ACTR3C: variants seen among roughly 807,000 people sequenced by gnomAD.
ACTR3C encodes the protein actin-related protein 3C.
ACTR3C carries 18 observed loss-of-function variants against 26.3 expected under a neutral mutation model. The ratio of observed to expected loss-of-function variants is 0.68; its 90% CI spans 0.47 to 1.01. The LOEUF (loss-of-function observed/expected upper bound fraction) is 1.01, where lower values mean the gene tolerates loss of function less well. Among genes scored for constraint, ACTR3C ranks in the 50% least tolerant of loss-of-function variants. The pLI, the probability that ACTR3C is intolerant of heterozygous loss-of-function variation, is 0.00. For missense variants in ACTR3C, 184 were observed against 250.7 expected, an observed-to-expected ratio of 0.73 and a Z score of 1.80; for synonymous variants, 55 against 94.5, an observed-to-expected ratio of 0.58 and a Z score of 2.42.
chr7:149,977,235 C>T, the ACTR3C span, among the ~76,000 whole-genome samples: 1 of 152,114 alleles, frequency 6.6e-6, no homozygotes, highest in Non-Finnish European at 1.5e-5. Context: ...AGTCTGGAGA[C>T]CCACCTGCAA....
rs535577488 is a variant in ACTR3C at position 150,264,256 on chromosome 7, A to C, written c.565-15202T>G. On this transcript the variant is annotated intron_variant, in intron 6 of 7. Coordinates refer to ENST00000683684, the MANE Select transcript of ACTR3C (RefSeq NM_001164458.2). ...CACCGTGAAACGTCATGTGAGCTCCAAGTGTCCAGCTCAGCACGGAATAGA... is the reference window on the plus strand; with the variant it reads ...CACCGTGAAACGTCATGTGAGCTCCCAGTGTCCAGCTCAGCACGGAATAGA... Among the ~76,000 whole-genome samples the C allele has an allele frequency of 1.0e-3, 154 of 152,342 alleles. 1 individual carries two copies. Among genetic ancestry groups the C allele is most frequent in the Admixed American group, 8.8e-3 (134 of 15,302 alleles).
At chr7:150,204,764 C>T in the ACTR3C span, among the ~76,000 whole-genome samples, 1 of 150,932 alleles carries the variant, frequency 6.6e-6, no homozygotes, top group East Asian at 2.0e-4. Context: ...GGAGGACCAG[C>T]GAGTGCAGAG....
chr7:149,971,188 C>G, the ACTR3C span, among the ~76,000 whole-genome samples: 13 of 152,256 alleles, frequency 8.5e-5, no homozygotes, highest in East Asian at 2.3e-3. Flanking sequence ...CAATGTGAAC[C>G]CATTATCTTC....
chr7:150,186,077 A>T, the ACTR3C span, among the ~76,000 whole-genome samples: 20 of 152,288 alleles, frequency 1.3e-4, no homozygotes, highest in East Asian at 3.9e-3. Flanking sequence ...GAGCTGGTGG[A>T]AGAGCTCAGT....
the ACTR3C span, among the ~76,000 whole-genome samples, chr7:150,231,879 A>G: frequency 1.3e-5 from 2 of 152,132 alleles, no homozygotes; most frequent in Non-Finnish European, 2.9e-5. Flanking sequence ...AATGTCAATT[A>G]TATCATATTG....
the ACTR3C span, among the ~76,000 whole-genome samples, chr7:149,887,130 A>G: frequency 6.6e-6 from 1 of 152,194 alleles, no homozygotes; most frequent in Non-Finnish European, 1.5e-5. Flanking sequence ...ATCATGTAAT[A>G]GGGAAGGTCT....
the ACTR3C span, among the ~76,000 whole-genome samples, chr7:150,231,878 TATATC>T: frequency 3.3e-5 from 5 of 152,132 alleles, no homozygotes; most frequent in African/African-American, 1.2e-4. Flanking sequence ...AAATGTCAAT[TATATC>T]ATATTGATTG....
At chr7:150,305,703 T>C (rs1377654824) in intron 1 of ACTR3C, among the ~76,000 whole-genome samples, 1 of 152,188 alleles carries the variant, frequency 6.6e-6, no homozygotes, top group African/African-American at 2.4e-5. Context: ...CTCTGGGTAA[T>C]GCAATATTGG....
At chr7:150,020,036 T>C in the ACTR3C span, among the ~76,000 whole-genome samples, 2 of 152,084 alleles carry the variant, frequency 1.3e-5, no homozygotes, top group African/African-American at 4.8e-5. Context: ...GTCTAGTGAG[T>C]ATTTTATAAC....
At chr7:150,128,053 C>CAA in the ACTR3C span, among the ~76,000 whole-genome samples, 5 of 113,862 alleles carry the variant, frequency 4.4e-5, no homozygotes, top group Admixed American at 9.0e-5. Flanking sequence ...AAATTCATTC[C>CAA]AAAAAAAAAA....
chr7:150,007,286 TA>T, the ACTR3C span, among the ~76,000 whole-genome samples: 1 of 152,194 alleles, frequency 6.6e-6, no homozygotes, highest in Non-Finnish European at 1.5e-5. Context: ...TTCACAGGCA[TA>T]GAAATGGAGG....
chr7:150,134,864 T>C, the ACTR3C span, among the ~76,000 whole-genome samples: 1 of 152,238 alleles, frequency 6.6e-6, no homozygotes, highest in Non-Finnish European at 1.5e-5. Flanking sequence ...ATCATCAAGT[T>C]TGTGTCATCA....
chr7:149,964,636 G>A, the ACTR3C span, among the ~76,000 whole-genome samples: 1 of 152,202 alleles, frequency 6.6e-6, no homozygotes, highest in Non-Finnish European at 1.5e-5. Flanking sequence ...AATAACTCTA[G>A]TCAGTTACTT....
At chr7:150,083,331 C>T in the ACTR3C span, among the ~76,000 whole-genome samples, 1 of 151,812 alleles carries the variant, frequency 6.6e-6, no homozygotes, top group African/African-American at 2.4e-5. Context: ...TTTGGGAGGT[C>T]GAGGAGGGAC....
the ACTR3C span, among the ~76,000 whole-genome samples, chr7:150,043,405 G>A: frequency 6.6e-6 from 1 of 152,036 alleles, no homozygotes; most frequent in South Asian, 2.1e-4. Context: ...CACGAAATGG[G>A]AGGCCTTTAT....
chr7:150,124,403 G>A, the ACTR3C span, among the ~76,000 whole-genome samples: 3 of 152,180 alleles, frequency 2.0e-5, no homozygotes, highest in Non-Finnish European at 4.4e-5. Flanking sequence ...CTTTAAACCA[G>A]GGTTGGCTCT....
At chr7:150,257,875 G>C (rs939204809) in intron 6 of ACTR3C, among the ~76,000 whole-genome samples, 1 of 151,972 alleles carries the variant, frequency 6.6e-6, no homozygotes, top group African/African-American at 2.4e-5. Context: ...TAAGTTTGGT[G>C]GTGGCTCTTC....
chr7:150,262,817 T>C (rs1833744966), intron 6 of ACTR3C, among the ~76,000 whole-genome samples: 1 of 152,210 alleles, frequency 6.6e-6, no homozygotes, highest in Non-Finnish European at 1.5e-5. Flanking sequence ...AAAATTACTA[T>C]GTACCAGGAT....
the ACTR3C span, among the ~76,000 whole-genome samples, chr7:150,084,253 A>T: frequency 1.3e-5 from 2 of 152,282 alleles, no homozygotes; most frequent in East Asian, 3.9e-4. Flanking sequence ...AAAAAAAATA[A>T]ACCTACTTTA....
Sources: allele counts gnomAD v4.1 joint callset (sites outside exome capture counted in the v4.1 genomes callset), GRCh38; gene constraint gnomAD v4.1.1; transcripts MANE v1.5; gene names NCBI Gene and HGNC (gene_info 2026-07-23, HGNC 2026-07-21).